AMOTL2: variants seen among roughly 807,000 people sequenced by gnomAD.
AMOTL2 encodes angiomotin like 2.
AMOTL2 carries 33 observed loss-of-function variants against 78.4 expected under a neutral mutation model. The ratio of observed to expected loss-of-function variants is 0.42; its 90% CI spans 0.32 to 0.56. The LOEUF is 0.56. Ranked by LOEUF, AMOTL2 falls within the 20% of genes least tolerant of loss-of-function variation. The pLI is 0.12. For synonymous variants in AMOTL2, 422 were observed against 428.8 expected, an observed-to-expected ratio of 0.98 and a Z score of 0.20; for missense variants, 983 against 1,030.1, an observed-to-expected ratio of 0.95 and a Z score of 0.63.
chr3:134,361,716 C>T lies in AMOTL2; in HGVS notation c.1371G>A (p.Leu457=). The stretch of plus-strand genomic sequence containing the variant: ...GCGCATTGCCCAGAGCCTGCTCCAG[C>T]AGCTCGGCACGCCGCCGCTGGTCCT... The part of the protein sequence containing the change: ...AIEDQRRRAE[L]LEQALGNAQG... The change falls in exon 6 of 10, where the codon CTG becomes CTA. Residue 457 remains leucine (L), a synonymous_variant. Transcript: ENST00000249883. The T allele has an allele frequency of 6.2e-7, 1 of 1,608,984 alleles. No homozygotes were observed. The highest frequency in any genetic ancestry group is 1.3e-5 in the African/African-American group (1 of 74,978).
chr3:134,375,023 C>G, upstream of AMOTL2: 1 of 1,439,170 alleles, frequency 6.9e-7, no homozygotes. Flanking sequence ...TAAGTGAATG[C>G]TTCCAGCCAC....
At position 134,371,350 on chromosome 3, in the gene AMOTL2, C is replaced by T. The variant is rs1559804293; in HGVS notation, c.84G>A (p.Thr28=). 2.5e-6 allele frequency: 4 copies of T among 1,611,088 alleles called. No homozygotes were observed. Among genetic ancestry groups the T allele is most frequent in the South Asian group, 2.2e-5 (2 of 91,064 alleles). ...EQLRYGNLTE[T]RTLLAIQQQA... The stretch of plus-strand genomic sequence containing the variant: ...GCTGCTGGATGGCTAGCAGCGTGCG[C>T]GTCTCAGTCAGGTTGCCGTAGCGCA... Residue 28 remains threonine (T), a synonymous_variant, in exon 2 of 10, where the codon ACG becomes ACA. Transcript: ENST00000249883.
Position 134,369,612 on chromosome 3 carries a change from CG to C in AMOTL2, c.734+1087del, listed in dbSNP as rs1201645861. Among the ~76,000 whole-genome samples the C allele has an allele frequency of 5.9e-5, 9 of 152,282 alleles. No homozygotes were observed. In the East Asian group the frequency reaches 1.4e-3, roughly 23 times the overall value. ...ACTATGAGGCTCCAACCTCTGGTTC[CG>C]CCATACCAACCCCATCATGTCACTC... On this transcript the variant is annotated intron_variant, in intron 2 of 9. Coordinates refer to ENST00000249883, the MANE Select transcript of AMOTL2 (RefSeq NM_016201.4).
intron 5 of AMOTL2, among the ~76,000 whole-genome samples, chr3:134,363,600 C>G (rs1576578993): frequency 6.6e-6 from 1 of 152,246 alleles, no homozygotes; most frequent in South Asian, 2.1e-4. Context: ...CCTCAGGCCT[C>G]AAGGCCAGAT....
At chr3:134,359,794 G>A (rs1311712465) in intron 7 of AMOTL2, among the ~76,000 whole-genome samples, 1 of 152,224 alleles carries the variant, frequency 6.6e-6, no homozygotes, top group African/African-American at 2.4e-5. Flanking sequence ...AGATTCATCA[G>A]ATGATAGTGG....
chr3:134,375,034 A>G (rs2018037838), upstream of AMOTL2: 2 of 1,447,000 alleles, frequency 1.4e-6, no homozygotes, highest in African/African-American at 2.9e-5. Flanking sequence ...TTCCAGCCAC[A>G]GAGCCTCTTT....
chr3:134,364,627 C>G (rs926644332), intron 5 of AMOTL2, among the ~76,000 whole-genome samples: 5 of 152,024 alleles, frequency 3.3e-5, no homozygotes, highest in African/African-American at 1.2e-4. Flanking sequence ...TACCTCCTGC[C>G]CCACCCTGTC....
At chr3:134,360,968 G>A (rs566010496) in intron 6 of AMOTL2, among the ~76,000 whole-genome samples, 2 of 152,310 alleles carry the variant, frequency 1.3e-5, no homozygotes, top group South Asian at 2.1e-4. Context: ...GAGGTCAGGG[G>A]TTCAAGACCA....
At chr3:134,371,723 G>T in intron 1 of AMOTL2, 2 of 638,776 alleles carry the variant, frequency 3.1e-6, no homozygotes, top group Non-Finnish European at 4.9e-6. Flanking sequence ...AAAATGCAAA[G>T]AATTCTGCTT....
chr3:134,364,228 CG>C (rs2107741121), intron 5 of AMOTL2, among the ~76,000 whole-genome samples: 1 of 152,072 alleles, frequency 6.6e-6, no homozygotes, highest in South Asian at 2.1e-4. Flanking sequence ...GGGCCGGGAG[CG>C]GAACAGCTCG....
intron 5 of AMOTL2, 136 bp downstream of exon 5, chr3:134,365,681 G>A (rs758172423): frequency 2.4e-5 from 17 of 711,592 alleles, no homozygotes; most frequent in Non-Finnish European, 4.0e-5. Flanking sequence ...TCTAGTGTTG[G>A]GCATACAGTG....
chr3:134,373,743 C>G, intron 1 of AMOTL2: 1 of 985,434 alleles, frequency 1.0e-6, no homozygotes, highest in Non-Finnish European at 1.2e-6. Flanking sequence ...TAGCCCGAGG[C>G]CCGGAGAGGT....
At position 134,371,482 on chromosome 3, in the gene AMOTL2, G is replaced by C. The variant is rs747060912; in HGVS notation, c.-49C>G. ...GCCTGGACAATGGCCGGTGGCACCT[G>C]GCCCCAGAGCACCTGGAGTGGGGTG... On this transcript the variant is annotated 5_prime_UTR_variant, in exon 2 of 10. Coordinates refer to ENST00000249883, the MANE Select transcript of AMOTL2 (RefSeq NM_016201.4). The C allele has an allele frequency of 6.3e-7, 1 of 1,589,436 alleles. No homozygotes were observed. Among genetic ancestry groups the C allele is most frequent in the African/African-American group, 1.3e-5 (1 of 74,732 alleles).
At position 134,361,733 on chromosome 3, in the gene AMOTL2, G is replaced by T. The variant is rs761943709; in HGVS notation, c.1354C>A (p.Arg452=). 1.2e-6 allele frequency: 2 copies of T among 1,606,276 alleles called. No individual in the cohort carries two copies. Among genetic ancestry groups the T allele is most frequent in the Non-Finnish European group, 8.5e-7 (1 of 1,176,586 alleles). Residue 452 remains arginine, a synonymous_variant, in exon 6 of 10, where the codon CGG becomes AGG. Transcript: ENST00000249883. ...TGCTCCAGCAGCTCGGCACGCCGCCGCTGGTCCTCGATGGCGCCGCGCAGC... is the reference window on the plus strand; with the variant it reads ...TGCTCCAGCAGCTCGGCACGCCGCCTCTGGTCCTCGATGGCGCCGCGCAGC... The part of the protein sequence containing the change: ...ALLRGAIEDQ[R]RRAELLEQAL...
chr3:134,366,249 T>C, intron 4 of AMOTL2, 34 bp downstream of exon 4: 1 of 1,606,356 alleles, frequency 6.2e-7, no homozygotes, highest in African/African-American at 1.3e-5. Flanking sequence ...TCTGCAGAGG[T>C]TCTCCAACCT....
At chr3:134,362,153 C>T (rs1336023439) in intron 5 of AMOTL2, among the ~76,000 whole-genome samples, 2 of 152,184 alleles carry the variant, frequency 1.3e-5, no homozygotes, top group African/African-American at 2.4e-5. Flanking sequence ...AACCTTGTGA[C>T]GGCTCGAGAC....
rs1418735129 is a variant in AMOTL2 at position 134,357,350 on chromosome 3, C to T, written c.*355G>A. On this transcript the variant is annotated 3_prime_UTR_variant, in exon 10 of 10. Coordinates refer to ENST00000249883, the MANE Select transcript of AMOTL2 (RefSeq NM_016201.4). ...CCCCAAACCAACACAGCCACTCCCT[C>T]CCTGCCTGACTGACAACTGGCAGGG... 1 of 269,052 alleles carries T rather than the reference C, an allele frequency of 3.7e-6. No homozygotes were observed. The highest frequency in any genetic ancestry group is 7.3e-6 in the Non-Finnish European group (1 of 137,776). The allele number at this position is 269,052 out of a possible 1,614,324, so 16.7% of individuals were successfully genotyped here.
In AMOTL2 at chr3:134,367,501, T is replaced by C. The variant is rs746591795; in HGVS notation, c.1037A>G (p.Glu346Gly). 1 of 1,611,566 alleles carries C rather than the reference T, an allele frequency of 6.2e-7. No individual in the cohort carries two copies. Among genetic ancestry groups the C allele is most frequent in the South Asian group, 1.1e-5 (1 of 90,882 alleles). The change falls in exon 3 of 10, where the codon GAG (glutamate) becomes GGG (glycine). Residue 346 changes from glutamate to glycine, a missense_variant. Transcript: ENST00000249883. The part of the protein sequence containing the change: ...ESSAEKAGRI[E>G]KLESEIQRLS... ...TGAAGCCCCAGCAGGGCCTACCTTC[T>C]CAATGCGGCCAGCCTTCTCCGCAGA...
At chr3:134,358,042 C>T (rs1311748608) in intron 9 of AMOTL2, among the ~76,000 whole-genome samples, 2 of 152,170 alleles carry the variant, frequency 1.3e-5, no homozygotes, top group Admixed American at 1.3e-4. Flanking sequence ...AGGCAGGCTG[C>T]AGCATTCTTT....
Sources: allele counts gnomAD v4.1 joint callset (sites outside exome capture counted in the v4.1 genomes callset), GRCh38; gene constraint gnomAD v4.1.1; transcripts MANE v1.5; gene names NCBI Gene and HGNC (gene_info 2026-07-23, HGNC 2026-07-21).